The following FAM210A variants were observed in gnomAD, a reference collection of about 807,000 sequenced individuals.
The protein encoded by FAM210A is mitochondrial inner membrane scaffold 1.
In FAM210A, 13 loss-of-function variants were observed where a neutral mutation model predicts 25.3. The ratio of observed to expected loss-of-function variants is 0.51; its 90% CI spans 0.33 to 0.82. FAM210A has a LOEUF of 0.82. Among genes scored for constraint, FAM210A ranks in the 40% least tolerant of loss-of-function variants. The pLI is 0.02. For synonymous variants in FAM210A, 125 were observed against 118.7 expected (o/e 1.05, Z -0.35); for missense variants, 319 against 323.2 (o/e 0.99, Z 0.10).
At chr18:13,701,930 G>T (rs1183034901) in intron 1 of FAM210A, among the ~76,000 whole-genome samples, 1 of 152,190 alleles carries the variant, frequency 6.6e-6, no homozygotes, top group Non-Finnish European at 1.5e-5. Context: ...TAAAAAATGG[G>T]TTAAAGATGA....
At chr18:13,689,655 C>G (rs1373048980) in intron 1 of FAM210A, among the ~76,000 whole-genome samples, 1 of 151,982 alleles carries the variant, frequency 6.6e-6, no homozygotes, top group Non-Finnish European at 1.5e-5. Context: ...CAATTCCCAG[C>G]TAGTGCAACA....
chr18:13,685,748 T>C (rs2043591773), intron 1 of FAM210A, among the ~76,000 whole-genome samples: 1 of 152,236 alleles, frequency 6.6e-6, no homozygotes, highest in Admixed American at 6.5e-5. Flanking sequence ...CCTTAGGCAC[T>C]TGTTCTCAGA....
intron 1 of FAM210A, among the ~76,000 whole-genome samples, chr18:13,703,163 A>G (rs2043754039): frequency 6.6e-6 from 1 of 152,168 alleles, no homozygotes; most frequent in Non-Finnish European, 1.5e-5. Flanking sequence ...AATATCTAAC[A>G]TTTTTTACTT....
intron 2 of FAM210A, among the ~76,000 whole-genome samples, chr18:13,675,996 G>T (rs2043495706): frequency 8.9e-6 from 1 of 111,958 alleles, no homozygotes; most frequent in Non-Finnish European, 1.8e-5. Context: ...TTTATTTCCA[G>T]TTTCCTGATT....
At chr18:13,672,192 C>T (rs1265374239) in intron 2 of FAM210A, among the ~76,000 whole-genome samples, 1 of 152,084 alleles carries the variant, frequency 6.6e-6, no homozygotes, top group Non-Finnish European at 1.5e-5. Context: ...ATCTTATCGC[C>T]TACAACTTCT....
At chr18:13,668,466 C>T (rs993809105) in intron 3 of FAM210A, among the ~76,000 whole-genome samples, 1 of 152,220 alleles carries the variant, frequency 6.6e-6, no homozygotes, top group Non-Finnish European at 1.5e-5. Flanking sequence ...GCCAACTATA[C>T]ATGGATGATT....
intron 1 of FAM210A, among the ~76,000 whole-genome samples, chr18:13,718,485 T>C (rs2043877051): frequency 6.6e-6 from 1 of 151,926 alleles, no homozygotes; most frequent in South Asian, 2.1e-4. Context: ...GGACATGTAA[T>C]AGTTCATAAC....
chr18:13,668,846 A>G (rs1308613214), intron 3 of FAM210A, among the ~76,000 whole-genome samples: 1 of 152,214 alleles, frequency 6.6e-6, no homozygotes, highest in Non-Finnish European at 1.5e-5. Context: ...ACATTCATAA[A>G]AACATGGGAC....
Position 13,689,037 on chromosome 18 carries a change from C to T in FAM210A, c.-28-6932G>A, listed in dbSNP as rs541346141. On this transcript the variant is annotated intron_variant, in intron 1 of 3. Transcript: ENST00000651643. ...GGCCAAGTAAACAGGGCACCCCTGT[C>T]GCGAGTCCTGTGAAGGGGTCAAGAA... Among the ~76,000 whole-genome samples the T allele has an allele frequency of 1.3e-3, 191 of 152,368 alleles. 2 individuals are homozygous for T. The highest frequency in any genetic ancestry group is 1.9e-3 in the South Asian group (9 of 4,830).
chr18:13,689,468 AT>A (rs1283085900), intron 1 of FAM210A, among the ~76,000 whole-genome samples: 7 of 152,222 alleles, frequency 4.6e-5, no homozygotes, highest in African/African-American at 1.7e-4. Context: ...TTAAAAACAA[AT>A]TTCTCAGCAA....
At position 13,676,699 on chromosome 18, in the gene FAM210A, T is replaced by C. The variant is rs1430261497; in HGVS notation, c.474-4726A>G. On this transcript the variant is annotated intron_variant, in intron 2 of 3. Transcript: ENST00000651643. ...CCAGTATGTCCTTTATGGCTATTTT[T>C]CCTGTCTCTCTAGTCTGCTTTTCTC... 4.6e-5 allele frequency among the ~76,000 whole-genome samples: 7 copies of C among 152,246 alleles called. No homozygotes were observed. In the East Asian group the frequency reaches 1.3e-3, roughly 29 times the overall value.
In FAM210A at chr18:13,665,187, C is replaced by T. The variant is rs887358073; in HGVS notation, c.*1293G>A. ...CTGAGGTCAGGAGTTGGAGACTAGC[C>T]TGGCTAACATGGTGAAACTCCACCT... On this transcript the variant is annotated 3_prime_UTR_variant, in exon 4 of 4. Coordinates refer to ENST00000651643, the MANE Select transcript of FAM210A (RefSeq NM_152352.4). 6.6e-6 allele frequency: 1 copy of T among 151,864 alleles called. No homozygotes were observed. Among genetic ancestry groups the T allele is most frequent in the Non-Finnish European group, 1.5e-5 (1 of 68,056 alleles). The allele number at this position is 151,864 out of a possible 1,614,324, so 9.4% of individuals were successfully genotyped here.
chr18:13,691,347 G>T (rs1292158980), intron 1 of FAM210A, among the ~76,000 whole-genome samples: 6 of 152,162 alleles, frequency 3.9e-5, no homozygotes, highest in African/African-American at 7.2e-5. Context: ...ATATTATCGA[G>T]GAGAACTTCC....
At chr18:13,718,541 AAAG>A (rs1221411362) in intron 1 of FAM210A, among the ~76,000 whole-genome samples, 6 of 152,166 alleles carry the variant, frequency 3.9e-5, no homozygotes, top group African/African-American at 1.4e-4. Context: ...AAAAAAGAAA[AAAG>A]AACTGCTAAT....
At chr18:13,708,653 T>C (rs140017332) in intron 1 of FAM210A, among the ~76,000 whole-genome samples, 1 of 152,344 alleles carries the variant, frequency 6.6e-6, no homozygotes, top group East Asian at 1.9e-4. Context: ...CATATTATAC[T>C]ATACCTAGCT....
intron 3 of FAM210A, among the ~76,000 whole-genome samples, chr18:13,671,634 A>G (rs573202481): frequency 1.3e-5 from 2 of 151,336 alleles, no homozygotes; most frequent in African/African-American, 4.9e-5. Context: ...GGTTGCAGTG[A>G]GCCGAGATGG....
chr18:13,688,896 G>T (rs2043619752), intron 1 of FAM210A, among the ~76,000 whole-genome samples: 1 of 152,264 alleles, frequency 6.6e-6, no homozygotes, highest in Admixed American at 6.5e-5. Context: ...CCTGTGATGG[G>T]TGGAGCACAG....
intron 2 of FAM210A, among the ~76,000 whole-genome samples, chr18:13,674,948 CCA>C (rs1438580529): frequency 1.4e-5 from 2 of 141,128 alleles, no homozygotes; most frequent in Non-Finnish European, 3.1e-5. Context: ...TGACTTATTT[CCA>C]GTTTCCTGAT....
At chr18:13,682,404 C>T (rs2149057152) in intron 1 of FAM210A, among the ~76,000 whole-genome samples, 1 of 152,176 alleles carries the variant, frequency 6.6e-6, no homozygotes, top group Admixed American at 6.5e-5. Context: ...CCCATCTCCA[C>T]TAAAAATACA....
Sources: allele counts gnomAD v4.1 joint callset (sites outside exome capture counted in the v4.1 genomes callset), GRCh38; gene constraint gnomAD v4.1.1; transcripts MANE v1.5; gene names NCBI Gene and HGNC (gene_info 2026-07-23, HGNC 2026-07-21).